The following SLC16A14 variants were observed in gnomAD, a reference collection of about 807,000 sequenced individuals.
The protein encoded by SLC16A14 is solute carrier family 16 member 14.
SLC16A14 carries 14 observed loss-of-function variants against 35.8 expected under a neutral mutation model. That is an observed-to-expected ratio of 0.39 (90% CI 0.26 to 0.61). The LOEUF (loss-of-function observed/expected upper bound fraction) is 0.61, where lower values mean the gene tolerates loss of function less well. Ranked by LOEUF, SLC16A14 falls within the 20% of genes least tolerant of loss-of-function variation. SLC16A14 has a pLI of 0.51. For synonymous variants in SLC16A14, 248 were observed against 258.9 expected, an observed-to-expected ratio of 0.96 and a Z score of 0.40; for missense variants, 533 against 655.0, an observed-to-expected ratio of 0.81 and a Z score of 2.03.
intron 2 of SLC16A14, 52 bp from the exon 3 acceptor site, chr2:230,049,956 CT>C: frequency 1.3e-6 from 2 of 1,585,226 alleles, no homozygotes; most frequent in Non-Finnish European, 8.6e-7. Flanking sequence ...CCGTTTTATT[CT>C]TTCTCATAAA....
In SLC16A14 at chr2:230,049,855, C is replaced by T. The variant is rs759708828; in HGVS notation, c.309G>A (p.Ala103=). The change falls in exon 3 of 5, where the codon GCG becomes GCA. Residue 103 remains alanine (A), a synonymous_variant. Transcript: ENST00000295190. ...GGGAGTTGACGAGCCCTCCAATGAT[C>T]GCAGTCTGGCGGCACCCACAGGTGT... The part of the protein sequence containing the change: ...FINTCGCRQT[A]IIGGLVNSLG... 8.7e-6 allele frequency: 14 copies of T among 1,614,020 alleles called. No individual in the cohort carries two copies. The highest frequency in any genetic ancestry group is 5.3e-5 in the African/African-American group (4 of 74,908).
chr2:230,055,086 G>GT lies in SLC16A14; in HGVS notation c.259+4007_259+4008insA, dbSNP rs1395286457. ...AGTAGACACAATTTTGGAGTCCCAT[G>GT]GACCAGGTTTAAAGCCAGTTCTACA... On this transcript the variant is annotated intron_variant, in intron 2 of 4. Coordinates refer to ENST00000295190, the MANE Select transcript of SLC16A14 (RefSeq NM_152527.5). Among the ~76,000 whole-genome samples, 3 of 151,858 alleles carry GT rather than the reference G, an allele frequency of 2.0e-5. No individual in the cohort carries two copies. The East Asian group carries it at 5.8e-4, about 29-fold the overall frequency.
intron 4 of SLC16A14, 160 bp downstream of exon 4, chr2:230,045,585 T>C: frequency 1.2e-6 from 1 of 835,324 alleles, no homozygotes; most frequent in Non-Finnish European, 1.9e-6. Context: ...AGAATAGGCT[T>C]TAACTTGCTA....
intron 4 of SLC16A14, 145 bp downstream of exon 4, chr2:230,045,600 G>A: frequency 2.2e-6 from 2 of 899,232 alleles, no homozygotes; most frequent in Middle Eastern, 2.3e-4. Context: ...TTGCTAAAAT[G>A]TATAAATGAG....
intron 3 of SLC16A14, among the ~76,000 whole-genome samples, chr2:230,048,923 CAAAAAAAA>C (rs748042264): frequency 2.6e-4 from 4 of 15,242 alleles, no homozygotes; most frequent in East Asian, 6.9e-3. Context: ...AACTCCATCT[CAAAAAAAA>C]AAAAAAAAAA....
At position 230,037,545 on chromosome 2, in the gene SLC16A14, AAG is replaced by A; in HGVS notation, c.1382-16_1382-15del. The A allele has an allele frequency of 1.3e-6, 2 of 1,588,550 alleles. No individual in the cohort carries two copies. The highest frequency in any genetic ancestry group is 2.3e-5 in the South Asian group (2 of 86,190). ...CATAGATCCACCCTACAAAACAAAA[AAG>A]AATATATTCAGTGTCATGGAGTTGA... On this transcript the variant is annotated splice_polypyrimidine_tract_variant and intron_variant, in intron 4 of 4. Coordinates refer to ENST00000295190, the MANE Select transcript of SLC16A14 (RefSeq NM_152527.5).
At position 230,059,137 on chromosome 2, in the gene SLC16A14, G is replaced by A. The variant is rs367943492; in HGVS notation, c.216C>T (p.Thr72=). Residue 72 remains threonine (T), a synonymous_variant, in exon 2 of 5, where the codon ACC becomes ACT. Transcript: ENST00000295190. Reference sequence around the variant, plus strand: ...CCATGCTGAGGGAGCTGACCCAGGCGGTCAGGCCGCGGCTCTGGTGGAATT... The same window carrying A: ...CCATGCTGAGGGAGCTGACCCAGGCAGTCAGGCCGCGGCTCTGGTGGAATT... ...LEEFHQSRGL[T]AWVSSLSMGI... 36 of 1,613,938 alleles carry A rather than the reference G, an allele frequency of 2.2e-5. No homozygotes were observed. The highest frequency in any genetic ancestry group is 1.6e-4 in the East Asian group (7 of 44,886).
At chr2:230,056,058 T>A (rs13399689) in intron 2 of SLC16A14, among the ~76,000 whole-genome samples, 42,344 of 152,086 alleles carry the variant, frequency 0.28, 6,380 homozygotes, top group African/African-American at 0.36. Context: ...AGTTCAACAA[T>A]GTTACAGACA....
intron 4 of SLC16A14, among the ~76,000 whole-genome samples, chr2:230,044,738 A>ATATG (rs1451580005): frequency 1.8e-3 from 141 of 79,836 alleles, no homozygotes; most frequent in South Asian, 8.5e-3. Context: ...GTGTGTGTGT[A>ATATG]TGTGTGTGTG....
At chr2:230,059,416 T>C in intron 1 of SLC16A14, 50 bp from the exon 2 acceptor site, 2 of 1,393,096 alleles carry the variant, frequency 1.4e-6, no homozygotes. Flanking sequence ...AGGAAAAATA[T>C]CTTCATCTTC....
At chr2:230,054,083 A>AAG (rs2077684545) in intron 2 of SLC16A14, among the ~76,000 whole-genome samples, 4 of 133,410 alleles carry the variant, frequency 3.0e-5, no homozygotes, top group African/African-American at 5.7e-5. Flanking sequence ...GTGCAGCCTG[A>AAG]GGTGGGGGGG....
At chr2:230,043,773 AC>A (rs1216318920) in intron 4 of SLC16A14, among the ~76,000 whole-genome samples, 1 of 152,170 alleles carries the variant, frequency 6.6e-6, no homozygotes, top group East Asian at 1.9e-4. Flanking sequence ...CAGAAGACAG[AC>A]CTCGTTATCT....
Position 230,059,135 on chromosome 2 carries a change from G to A in SLC16A14, c.218C>T (p.Ala73Val), listed in dbSNP as rs745707884. The change falls in exon 2 of 5, where the codon GCC (alanine) becomes GTC (valine). Residue 73 changes from alanine (A) to valine (V), a missense_variant. Ala to Val is a moderately conservative substitution (Grantham distance 64, BLOSUM62 0). Transcript: ENST00000295190. Reference sequence around the variant, plus strand: ...GCCCATGCTGAGGGAGCTGACCCAGGCGGTCAGGCCGCGGCTCTGGTGGAA... The same window carrying A: ...GCCCATGCTGAGGGAGCTGACCCAGACGGTCAGGCCGCGGCTCTGGTGGAA... ...EEFHQSRGLT[A>V]WVSSLSMGIT... is the part of the protein sequence containing the mutation. 3.8e-5 allele frequency: 62 copies of A among 1,613,992 alleles called. No homozygotes were observed. Among genetic ancestry groups the A allele is most frequent in the Non-Finnish European group, 4.6e-5 (54 of 1,180,006 alleles).
At chr2:230,043,851 G>A (rs775731453) in intron 4 of SLC16A14, among the ~76,000 whole-genome samples, 1 of 152,214 alleles carries the variant, frequency 6.6e-6, no homozygotes, top group Non-Finnish European at 1.5e-5. Context: ...TTTCCACGAA[G>A]GCACTGGCCC....
At chr2:230,067,792 C>G (rs1047143208) in intron 1 of SLC16A14, among the ~76,000 whole-genome samples, 1 of 152,224 alleles carries the variant, frequency 6.6e-6, no homozygotes, top group South Asian at 2.1e-4. Context: ...AAATGGCCGT[C>G]CCCGGTCTCT....
rs1472596297 is a variant in SLC16A14 at position 230,046,688 on chromosome 2, C to A, written c.438G>T (p.Val146=). 21 of 1,600,910 alleles carry A rather than the reference C, an allele frequency of 1.3e-5. No homozygotes were observed. Among genetic ancestry groups the A allele is most frequent in the Non-Finnish European group, 1.8e-5 (21 of 1,179,912 alleles). The change falls in exon 4 of 5, where the codon GTG becomes GTT. Residue 146 remains valine, a synonymous_variant. Coordinates refer to ENST00000295190, the MANE Select transcript of SLC16A14 (RefSeq NM_152527.5). This position sits in a 1 kb window ranked among gnomAD's most constrained non-coding sequence, Gnocchi z 5.0. ...LGSGMAYLPA[V]VMVGRYFQKR... The stretch of plus-strand genomic sequence containing the variant: ...TCTGGAAATACCTGCCCACCATGAC[C>A]ACCGCTGGCAGGTAGGCCATCCCGC...
chr2:230,065,535 G>A (rs1340237628), intron 1 of SLC16A14, among the ~76,000 whole-genome samples: 4 of 152,206 alleles, frequency 2.6e-5, no homozygotes, highest in Non-Finnish European at 4.4e-5. Context: ...GATTACAGGC[G>A]TGAGCCAGCA....
chr2:230,061,745 T>C (rs1194807938), intron 1 of SLC16A14, among the ~76,000 whole-genome samples: 2 of 144,990 alleles, frequency 1.4e-5, no homozygotes, highest in African/African-American at 5.2e-5. Flanking sequence ...AACAATATCT[T>C]TTTTTTTTTT....
At position 230,068,291 on chromosome 2, in the gene SLC16A14, C is replaced by T. The variant is rs976128232; in HGVS notation, c.-15+264G>A. 9 of 152,306 alleles carry T rather than the reference C, an allele frequency of 5.9e-5. No homozygotes were observed. Among genetic ancestry groups the T allele is most frequent in the Non-Finnish European group, 1.0e-4 (7 of 68,124 alleles). The allele number at this position is 152,306 out of a possible 1,614,324, so 9.4% of individuals were successfully genotyped here. On this transcript the variant is annotated intron_variant, in intron 1 of 4. Coordinates refer to ENST00000295190, the MANE Select transcript of SLC16A14 (RefSeq NM_152527.5). The surrounding 1 kb of genome is among the most constrained non-coding windows in gnomAD (Gnocchi z 5.1). Reference sequence around the variant, plus strand: ...GCAGCAAGGCGCGCGTCCCCAAGCTCCGCCTGGCGGTCTGCCCTGAACCGC... The same window carrying T: ...GCAGCAAGGCGCGCGTCCCCAAGCTTCGCCTGGCGGTCTGCCCTGAACCGC...
Sources: gnomAD v4.1 joint callset for allele counts (sites outside exome capture counted in the v4.1 genomes callset) on GRCh38, gnomAD v4.1.1 for gene constraint, Gnocchi (gnomAD v3.1) non-coding constraint, MANE v1.5 for transcripts, NCBI Gene and HGNC (gene_info 2026-07-23, HGNC 2026-07-21) for gene names.